Variants in LTBP1 observed in about 807,000 individuals in gnomAD.
The protein encoded by LTBP1 is latent transforming growth factor beta binding protein 1, also known as latent-transforming growth factor beta-binding protein 1.
In LTBP1, 129 loss-of-function variants were observed where a neutral mutation model predicts 207.6. The observed-to-expected ratio is 0.62, with a 90% CI of 0.54 to 0.72. LTBP1 has a LOEUF of 0.72. Ranked by LOEUF, LTBP1 falls within the 30% of genes least tolerant of loss-of-function variation. The pLI is 0.00. For missense variants in LTBP1, 2,281 were observed against 2,217.2 expected (o/e 1.03, Z -0.58); for synonymous variants, 963 against 833.7 (o/e 1.16, Z -2.67).
rs112664245 is a variant in LTBP1, at chr2:33,000,123, C to T, written c.566-20786C>T. On this transcript the variant is annotated intron_variant, in intron 2 of 33. Transcript: ENST00000404816. The stretch of plus-strand genomic sequence containing the variant: ...GTCTAGGGTCCTGCTCTGAGACAAA[C>T]ACTACTCAAAGGCTGTGATCTGGCT... 6.3e-4 allele frequency among the ~76,000 whole-genome samples: 85 copies of T among 135,052 alleles called. 14 individuals carry two copies. The highest frequency in any genetic ancestry group is 2.0e-3 in the African/African-American group (79 of 38,844). The allele number at this position is 135,052 out of a possible 152,430, so 88.6% of individuals were successfully genotyped here.
chr2:33,090,819 A>G (rs191951054), intron 3 of LTBP1, among the ~76,000 whole-genome samples: 6 of 152,366 alleles, frequency 3.9e-5, no homozygotes, highest in Admixed American at 3.3e-4. Context: ...ACGCCATTTC[A>G]TATAGCTCTG....
chr2:33,387,933 G>C (rs545909075), intron 31 of LTBP1, among the ~76,000 whole-genome samples: 34 of 152,234 alleles, frequency 2.2e-4, no homozygotes, highest in African/African-American at 8.2e-4. Flanking sequence ...CTGGTCCTGG[G>C]GCCTGTAGCC....
In LTBP1 at chr2:33,347,396, G is replaced by T; in HGVS notation, c.3886G>T (p.Val1296Leu). Residue 1296 changes from valine to leucine, a missense_variant, in exon 26 of 34, where the codon GTG becomes TTG. Val to Leu is a conservative substitution (Grantham distance 32, BLOSUM62 1). Around this residue, in one of 3 missense-constraint regions of LTBP1, gnomAD observed 1,671 missense variants for 1,634.8 expected, o/e 1.02. Coordinates refer to ENST00000404816, the MANE Select transcript of LTBP1 (RefSeq NM_206943.4). The stretch of plus-strand genomic sequence containing the variant: ...GAATGAATGTGAACTGCTCAGTGGG[G>T]TGTGTGGTGAAGCCTTCTGTGAAAA... ...DVNECELLSG[V>L]CGEAFCENVE... 2 of 1,614,186 alleles carry T rather than the reference G, an allele frequency of 1.2e-6. No homozygotes were observed. Among genetic ancestry groups the T allele is most frequent in the Non-Finnish European group, 1.7e-6 (2 of 1,180,034 alleles).
At position 33,360,257 on chromosome 2, in the gene LTBP1, G is replaced by A. The variant is rs180802917; in HGVS notation, c.4001-340G>A. ...AAAATTTTTATTGATTTAAGTAGGTGTTATAGCTCAGTAACAAATGGCCCT... is the reference window on the plus strand; with the variant it reads ...AAAATTTTTATTGATTTAAGTAGGTATTATAGCTCAGTAACAAATGGCCCT... On this transcript the variant is annotated intron_variant, in intron 26 of 33. Coordinates refer to ENST00000404816, the MANE Select transcript of LTBP1 (RefSeq NM_206943.4). 1.6e-4 allele frequency among the ~76,000 whole-genome samples: 24 copies of A among 152,292 alleles called. No homozygotes were observed. In the East Asian group the frequency reaches 4.4e-3, roughly 28 times the overall value.
At chr2:33,369,444 A>G (rs1233822392) in intron 31 of LTBP1, among the ~76,000 whole-genome samples, 1 of 152,216 alleles carries the variant, frequency 6.6e-6, no homozygotes, top group Admixed American at 6.5e-5. Flanking sequence ...GAGAACAACT[A>G]CTTAGGCTCT....
chr2:33,309,770 G>C (rs1176583683), intron 23 of LTBP1, among the ~76,000 whole-genome samples: 1 of 152,184 alleles, frequency 6.6e-6, no homozygotes, highest in Non-Finnish European at 1.5e-5. Context: ...ACGAGTAAGA[G>C]CTGTGTCCTC....
intron 19 of LTBP1, among the ~76,000 whole-genome samples, chr2:33,288,858 A>G: frequency 6.8e-6 from 1 of 147,068 alleles, no homozygotes; most frequent in African/African-American, 2.4e-5. Context: ...CTGTCTCAAA[A>G]AAAAAAAAAA....
At chr2:33,043,926 C>G (rs2076316403) in intron 3 of LTBP1, among the ~76,000 whole-genome samples, 1 of 151,852 alleles carries the variant, frequency 6.6e-6, no homozygotes, top group Non-Finnish European at 1.5e-5. Flanking sequence ...CTAGGAGAGC[C>G]CTTGTAGAGG....
At chr2:32,976,267 C>T (rs1346936469) in intron 2 of LTBP1, among the ~76,000 whole-genome samples, 1 of 152,140 alleles carries the variant, frequency 6.6e-6, no homozygotes, top group African/African-American at 2.4e-5. Context: ...TGTTCCCGGT[C>T]CACTGACCTC....
chr2:33,256,564 G>GA (rs1396133566), intron 11 of LTBP1, among the ~76,000 whole-genome samples: 3 of 150,530 alleles, frequency 2.0e-5, no homozygotes, highest in East Asian at 1.9e-4. Context: ...ATCAAAGCGG[G>GA]AAAAAAAGCC....
Position 32,963,038 on chromosome 2 carries a change from TGG to T in LTBP1, c.565+14095_565+14096del, listed in dbSNP as rs1221798566. Among the ~76,000 whole-genome samples, 928 of 152,352 alleles carry T rather than the reference TGG, an allele frequency of 6.1e-3. 11 individuals are homozygous for T. The highest frequency in any genetic ancestry group is 0.021 in the African/African-American group (884 of 41,582). Reference sequence around the variant, plus strand: ...AGGGGGACAGGGAAATCAGCTCTTTTGGGCTCCAGGCCTTGAGAGTAGAGGCT... The same window carrying T: ...AGGGGGACAGGGAAATCAGCTCTTTTGCTCCAGGCCTTGAGAGTAGAGGCT... On this transcript the variant is annotated intron_variant, in intron 2 of 33. Transcript: ENST00000404816.
At chr2:33,161,530 G>C (rs2084469921) in intron 5 of LTBP1, among the ~76,000 whole-genome samples, 2 of 152,182 alleles carry the variant, frequency 1.3e-5, no homozygotes, top group African/African-American at 2.4e-5. Flanking sequence ...GCCTTCCAAA[G>C]TGTTGGCATT....
intron 7 of LTBP1, among the ~76,000 whole-genome samples, chr2:33,206,033 A>C (rs1298869522): frequency 6.6e-6 from 1 of 152,220 alleles, no homozygotes; most frequent in Non-Finnish European, 1.5e-5. Flanking sequence ...TCTATTGTTT[A>C]AACCACCCAG....
intron 5 of LTBP1, among the ~76,000 whole-genome samples, chr2:33,141,495 A>C (rs116807572): frequency 0.016 from 2,425 of 152,348 alleles, 26 homozygotes; most frequent in East Asian, 0.028. Context: ...ACTACTGTCA[A>C]ATAGATATTA....
chr2:33,182,177 G>A (rs2086708248), intron 5 of LTBP1, among the ~76,000 whole-genome samples: 2 of 152,068 alleles, frequency 1.3e-5, no homozygotes, highest in South Asian at 2.1e-4. Flanking sequence ...GAGACACAGG[G>A]TTGTTGGAGT....
intron 19 of LTBP1, 122 bp downstream of exon 19, chr2:33,280,280 T>C (rs2148551147): frequency 1.0e-6 from 1 of 1,004,524 alleles, no homozygotes; most frequent in Non-Finnish European, 1.3e-6. Context: ...TACATCATTC[T>C]AAGAAAAGTT....
chr2:33,296,258 A>G (rs2093873229), intron 20 of LTBP1, among the ~76,000 whole-genome samples: 1 of 151,086 alleles, frequency 6.6e-6, no homozygotes, highest in Non-Finnish European at 1.5e-5. Flanking sequence ...GTTGATAAAA[A>G]CTCTTGTAAT....
At chr2:33,075,082 A>AT (rs1314278855) in intron 3 of LTBP1, among the ~76,000 whole-genome samples, 1 of 152,132 alleles carries the variant, frequency 6.6e-6, no homozygotes, top group African/African-American at 2.4e-5. Flanking sequence ...CAAAAAATGG[A>AT]TAAAAAAAAA....
At chr2:33,144,711 G>A (rs775185521) in intron 5 of LTBP1, among the ~76,000 whole-genome samples, 6 of 152,190 alleles carry the variant, frequency 3.9e-5, no homozygotes, top group Non-Finnish European at 7.3e-5. Flanking sequence ...ATGCGATGCA[G>A]TATATATACC....
Sources: allele counts gnomAD v4.1 joint callset (sites outside exome capture counted in the v4.1 genomes callset), GRCh38; gene constraint gnomAD v4.1.1; regional missense constraint gnomAD v4.1.1; transcripts MANE v1.5; gene names NCBI Gene and HGNC (gene_info 2026-07-23, HGNC 2026-07-21).